The following CD200R1L variants were observed in gnomAD, a reference collection of about 807,000 sequenced individuals.
CD200R1L encodes the protein CD200 receptor 1 like, also known as cell surface glycoprotein CD200 receptor 2.
A neutral mutation model predicts 24.8 loss-of-function variants in CD200R1L; 14 were observed. The ratio of observed to expected loss-of-function variants is 0.56; its 90% confidence interval spans 0.37 to 0.88. The LOEUF (loss-of-function observed/expected upper bound fraction) is 0.88, where lower values mean the gene tolerates loss of function less well. Ranked by LOEUF, CD200R1L falls within the 40% of genes least tolerant of loss-of-function variation. The pLI is 0.00. For synonymous variants in CD200R1L, 111 were observed against 109.2 expected, an observed-to-expected ratio of 1.02 and a Z score of -0.11; for missense variants, 299 against 297.8, an observed-to-expected ratio of 1.00 and a Z score of -0.03.
At chr3:112,840,971 C>T (rs1399362483) in intron 2 of CD200R1L, among the ~76,000 whole-genome samples, 4 of 152,140 alleles carry the variant, frequency 2.6e-5, no homozygotes, top group Admixed American at 6.5e-5. Flanking sequence ...CAGTCCAGAG[C>T]TATTTCATAA....
intron 3 of CD200R1L, among the ~76,000 whole-genome samples, chr3:112,836,182 T>C (rs901462174): frequency 6.6e-6 from 1 of 152,206 alleles, no homozygotes; most frequent in Non-Finnish European, 1.5e-5. Flanking sequence ...CTGGGGGTAG[T>C]GCGGTCAGCT....
chr3:112,827,440 A>G lies in CD200R1L; in HGVS notation c.294T>C (p.His98=), dbSNP rs757820091. 5 of 1,614,216 alleles carry G rather than the reference A, an allele frequency of 3.1e-6. No homozygotes were observed. The highest frequency in any genetic ancestry group is 4.2e-6 in the Non-Finnish European group (5 of 1,180,032). The change falls in exon 5 of 8, where the codon CAT becomes CAC. Residue 98 remains histidine, a synonymous_variant. Transcript: ENST00000488794. ...DLQIRPVDTT[H]DGYYRGIVVT... ...CCACTATGCCTCTGTAATACCCGTC[A>G]TGAGTGGTGTCCACCGGACGAATCT... is the stretch of plus-strand genomic sequence containing the variant.
chr3:112,829,482 A>G (rs1418994717), intron 3 of CD200R1L, 98 bp from the exon 4 acceptor site: 23 of 1,301,644 alleles, frequency 1.8e-5, no homozygotes, highest in Middle Eastern at 3.8e-4. Context: ...GAAGACAATT[A>G]GTTAACCATA....
intron 7 of CD200R1L, among the ~76,000 whole-genome samples, chr3:112,819,142 A>G (rs974998452): frequency 4.6e-5 from 7 of 152,168 alleles, no homozygotes; most frequent in African/African-American, 1.4e-4. Context: ...CTATCACAAG[A>G]ACATCATGGG....
In CD200R1L at chr3:112,827,398, A is replaced by T. The variant is rs1292881175; in HGVS notation, c.336T>A (p.Asn112Lys). Residue 112 changes from asparagine to lysine, a missense_variant, in exon 5 of 8, where the codon AAT (asparagine) becomes AAA (lysine). Physicochemically the swap from Asn to Lys is moderately conservative, Grantham distance 94 (BLOSUM62 0). Transcript: ENST00000488794. ...YRGIVVTPDGNFHRGYHLQVL... is the reference protein window; with the variant it reads ...YRGIVVTPDGKFHRGYHLQVL... The stretch of plus-strand genomic sequence containing the variant: ...CTTGGAGGTGATATCCACGATGGAA[A>T]TTCCCATCAGGTGTTACCACTATGC... The T allele has an allele frequency of 2.5e-6, 4 of 1,613,946 alleles. No individual in the cohort carries two copies. In the African/African-American group the frequency reaches 5.3e-5, roughly 22 times the overall value.
intron 2 of CD200R1L, among the ~76,000 whole-genome samples, chr3:112,844,268 G>A (rs1419944526): frequency 6.6e-6 from 1 of 152,066 alleles, no homozygotes; most frequent in Non-Finnish European, 1.5e-5. Context: ...CATATGGAAC[G>A]TGCTCTGAGG....
At chr3:112,822,920 A>T (rs1177832035) in intron 6 of CD200R1L, among the ~76,000 whole-genome samples, 1 of 152,164 alleles carries the variant, frequency 6.6e-6, no homozygotes. Context: ...TATTCCCTCT[A>T]AACTGTTGAT....
chr3:112,838,527 A>T (rs1334186009), intron 2 of CD200R1L, among the ~76,000 whole-genome samples: 2 of 152,192 alleles, frequency 1.3e-5, no homozygotes, highest in Non-Finnish European at 2.9e-5. Context: ...AAGGTAAAAA[A>T]TGACAAAGAA....
chr3:112,819,975 T>G, intron 6 of CD200R1L, 80 bp from the exon 7 acceptor site: 1 of 1,315,730 alleles, frequency 7.6e-7, no homozygotes, highest in South Asian at 1.6e-5. Context: ...TTAAAGAACA[T>G]TTTAAAATAT....
chr3:112,821,508 T>C (rs1938536147), intron 6 of CD200R1L, among the ~76,000 whole-genome samples: 1 of 152,232 alleles, frequency 6.6e-6, no homozygotes, highest in Non-Finnish European at 1.5e-5. Flanking sequence ...TTCCTCTAAT[T>C]GCTCCTTTTC....
intron 2 of CD200R1L, among the ~76,000 whole-genome samples, chr3:112,841,556 T>C (rs1576098885): frequency 6.6e-6 from 1 of 152,280 alleles, no homozygotes; most frequent in South Asian, 2.1e-4. Flanking sequence ...TCGCCAAGGT[T>C]TGCCATCTTT....
chr3:112,827,303 A>G, intron 5 of CD200R1L, 62 bp from the exon 6 acceptor site: 3 of 1,588,814 alleles, frequency 1.9e-6, no homozygotes, highest in Admixed American at 1.7e-5. Flanking sequence ...TGGAATTCAG[A>G]GAGACATTTG....
At chr3:112,842,992 C>T (rs992488202) in intron 2 of CD200R1L, among the ~76,000 whole-genome samples, 3 of 152,156 alleles carry the variant, frequency 2.0e-5, no homozygotes, top group African/African-American at 7.2e-5. Context: ...TGCCTTTTGT[C>T]CTGTTCCCTC....
intron 6 of CD200R1L, among the ~76,000 whole-genome samples, chr3:112,823,968 A>G (rs1199420435): frequency 2.0e-5 from 3 of 152,106 alleles, no homozygotes; most frequent in Non-Finnish European, 4.4e-5. Context: ...GAACTATAAG[A>G]GAGGCCACTG....
At chr3:112,834,135 C>A (rs757668743) in intron 3 of CD200R1L, among the ~76,000 whole-genome samples, 14 of 151,950 alleles carry the variant, frequency 9.2e-5, no homozygotes, top group Non-Finnish European at 1.9e-4. Flanking sequence ...GGGACACCAC[C>A]CTTTAGGAGG....
intron 1 of CD200R1L, among the ~76,000 whole-genome samples, chr3:112,846,365 A>G (rs1559928121): frequency 6.6e-6 from 1 of 152,264 alleles, no homozygotes; most frequent in African/African-American, 2.4e-5. Context: ...TTCAATAACT[A>G]TATCACAATT....
intron 2 of CD200R1L, among the ~76,000 whole-genome samples, chr3:112,839,455 G>T (rs1939032015): frequency 1.3e-5 from 2 of 152,148 alleles, no homozygotes; most frequent in African/African-American, 2.4e-5. Flanking sequence ...CTAATTTGCT[G>T]CCCAAATGGA....
chr3:112,827,465 T>A lies in CD200R1L; in HGVS notation c.269A>T (p.Gln90Leu), dbSNP rs760739960. The change falls in exon 5 of 8, where the codon CAG (glutamine) becomes CTG (leucine). Residue 90 changes from glutamine (Q) to leucine (L), a missense_variant. Gln to Leu is a moderately radical substitution (Grantham distance 113, BLOSUM62 -2). Coordinates refer to ENST00000488794, the MANE Select transcript of CD200R1L (RefSeq NM_001199215.3). Reference sequence around the variant, plus strand: ...ATGAGTGGTGTCCACCGGACGAATCTGAAGGTCCGAATTCTGATCAGGTCT... The same window carrying A: ...ATGAGTGGTGTCCACCGGACGAATCAGAAGGTCCGAATTCTGATCAGGTCT... ...VSRPDQNSDL[Q>L]IRPVDTTHDG... 6.2e-7 allele frequency: 1 copy of A among 1,614,204 alleles called. No individual in the cohort carries two copies. The highest frequency in any genetic ancestry group is 1.6e-4 in the Middle Eastern group (1 of 6,062).
At chr3:112,831,256 A>G (rs1576092787) in intron 3 of CD200R1L, among the ~76,000 whole-genome samples, 1 of 152,212 alleles carries the variant, frequency 6.6e-6, no homozygotes, top group Admixed American at 6.5e-5. Context: ...CAGGATAATC[A>G]CCATGATTTG....
Sources: gnomAD v4.1 joint callset for allele counts (sites outside exome capture counted in the v4.1 genomes callset) on GRCh38, gnomAD v4.1.1 for gene constraint, MANE v1.5 for transcripts, NCBI Gene and HGNC (gene_info 2026-07-23, HGNC 2026-07-21) for gene names.